KCNIP4: variants seen among roughly 807,000 people sequenced by gnomAD.
The protein encoded by KCNIP4 is potassium voltage-gated channel interacting protein 4.
A neutral mutation model predicts 34.0 loss-of-function variants in KCNIP4; 12 were observed. That is an observed-to-expected ratio of 0.35 (90% CI 0.23 to 0.57). KCNIP4 has a LOEUF of 0.57. KCNIP4 is among the 20% of genes least tolerant of loss of function. The pLI is 0.83. For missense variants in KCNIP4, 238 were observed against 311.7 expected (o/e 0.76, Z 1.78); for synonymous variants, 124 against 102.2 (o/e 1.21, Z -1.29).
At chr4:21,262,309 C>A in intron 1 of KCNIP4, among the ~76,000 whole-genome samples, 1 of 152,254 alleles carries the variant, frequency 6.6e-6, no homozygotes, top group Non-Finnish European at 1.5e-5. Context: ...GCCCTCTTAT[C>A]TTCCTGAACA....
chr4:21,832,510 C>T (rs887990105), intron 1 of KCNIP4, among the ~76,000 whole-genome samples: 1 of 152,140 alleles, frequency 6.6e-6, no homozygotes, highest in South Asian at 2.1e-4. Flanking sequence ...CTGAGGAAAT[C>T]ATCAGTTTGA....
chr4:21,794,951 CCTT>C (rs1720528286), intron 1 of KCNIP4, among the ~76,000 whole-genome samples: 1 of 152,040 alleles, frequency 6.6e-6, no homozygotes, highest in Non-Finnish European at 1.5e-5. Context: ...CCTGAAGTTC[CCTT>C]CGTCTCTCCA....
At chr4:21,633,205 A>T (rs561888858) in intron 1 of KCNIP4, among the ~76,000 whole-genome samples, 1 of 152,310 alleles carries the variant, frequency 6.6e-6, no homozygotes, top group Non-Finnish European at 1.5e-5. Flanking sequence ...ATCTATGTTT[A>T]CCTAGCTAGT....
intron 1 of KCNIP4, among the ~76,000 whole-genome samples, chr4:21,133,180 C>G (rs1474752419): frequency 6.6e-6 from 1 of 152,118 alleles, no homozygotes; most frequent in East Asian, 1.9e-4. Context: ...TTAAGACATT[C>G]CTGTTTTCAA....
intron 5 of KCNIP4, among the ~76,000 whole-genome samples, chr4:20,738,868 G>C (rs1435535375): frequency 6.6e-6 from 1 of 152,188 alleles, no homozygotes; most frequent in Non-Finnish European, 1.5e-5. Flanking sequence ...ATGGTACCTG[G>C]AGAATCAGGA....
chr4:21,635,080 A>C (rs1362737085), intron 1 of KCNIP4, among the ~76,000 whole-genome samples: 2 of 152,220 alleles, frequency 1.3e-5, no homozygotes, highest in Non-Finnish European at 2.9e-5. Flanking sequence ...TGTCAAAACA[A>C]TATAACACAA....
At chr4:21,213,118 G>A (rs1414475922) in intron 1 of KCNIP4, among the ~76,000 whole-genome samples, 1 of 152,082 alleles carries the variant, frequency 6.6e-6, no homozygotes, top group Non-Finnish European at 1.5e-5. Context: ...CGGACGAGGT[G>A]CATGCTGTTT....
At chr4:21,843,837 T>C (rs2109324291) in intron 1 of KCNIP4, 1 of 152,208 alleles carries the variant, frequency 6.6e-6, no homozygotes, top group Admixed American at 6.6e-5. Context: ...CTCAAACTCC[T>C]CAGTAAGTTT....
chr4:21,591,697 T>C (rs1258711908), intron 1 of KCNIP4, among the ~76,000 whole-genome samples: 2 of 152,080 alleles, frequency 1.3e-5, no homozygotes, highest in East Asian at 3.9e-4. Flanking sequence ...GTGCATTTGT[T>C]CTATATTTGT....
intron 1 of KCNIP4, among the ~76,000 whole-genome samples, chr4:21,605,341 T>C (rs975061009): frequency 2.6e-5 from 4 of 152,218 alleles, no homozygotes; most frequent in African/African-American, 9.6e-5. Flanking sequence ...TCAAAGTCAA[T>C]GAGGCAAGGC....
rs1334695785 is a variant in KCNIP4, at chr4:21,519,626, G to GTA, written c.61+428943_61+428944dup. 7.6e-4 allele frequency among the ~76,000 whole-genome samples: 105 copies of GTA among 137,624 alleles called. 9 individuals are homozygous for GTA. Among genetic ancestry groups the GTA allele is most frequent in the Middle Eastern group, 4.0e-3 (1 of 250 alleles). 90.3% of individuals were successfully genotyped at this position (137,624 alleles called of 152,430 possible). ...TACACATATGTGTGTGTATGTATGT[G>GTA]TATATACACAAATGTGTGTGTATGT... On this transcript the variant is annotated intron_variant, in intron 1 of 8. Transcript: ENST00000382152.
chr4:21,490,866 G>A (rs996357736), intron 1 of KCNIP4, among the ~76,000 whole-genome samples: 1 of 152,042 alleles, frequency 6.6e-6, no homozygotes, highest in Non-Finnish European at 1.5e-5. Context: ...GTCTGAGTGG[G>A]TGGCCAAGTT....
At chr4:21,826,978 A>G (rs2109299734) in intron 1 of KCNIP4, among the ~76,000 whole-genome samples, 1 of 152,226 alleles carries the variant, frequency 6.6e-6, no homozygotes, top group South Asian at 2.1e-4. Context: ...GTTGAATAAT[A>G]CAGAAAATAA....
At chr4:21,469,356 A>G (rs2109800339) in intron 1 of KCNIP4, among the ~76,000 whole-genome samples, 1 of 152,230 alleles carries the variant, frequency 6.6e-6, no homozygotes, top group East Asian at 1.9e-4. Flanking sequence ...AATATACATT[A>G]TTTTTATCAT....
At chr4:21,611,459 A>C (rs1744151074) in intron 1 of KCNIP4, among the ~76,000 whole-genome samples, 2 of 152,112 alleles carry the variant, frequency 1.3e-5, no homozygotes, top group Non-Finnish European at 2.9e-5. Context: ...CTCTCCCTAG[A>C]TACATGGGGA....
intron 1 of KCNIP4, among the ~76,000 whole-genome samples, chr4:21,360,342 A>T (rs1220702167): frequency 6.6e-6 from 1 of 152,074 alleles, no homozygotes; most frequent in Non-Finnish European, 1.5e-5. Context: ...TTTGTATCTT[A>T]CCTAATTCCA....
chr4:21,232,583 T>C (rs1758876100), intron 1 of KCNIP4, among the ~76,000 whole-genome samples: 1 of 152,182 alleles, frequency 6.6e-6, no homozygotes, highest in Non-Finnish European at 1.5e-5. Flanking sequence ...TTATTGAGAA[T>C]TTACTATGTA....
intron 1 of KCNIP4, among the ~76,000 whole-genome samples, chr4:21,221,465 T>C (rs1184749066): frequency 1.3e-5 from 2 of 152,114 alleles, no homozygotes; most frequent in Non-Finnish European, 2.9e-5. Context: ...GGCACCTTCT[T>C]CACAAAGCAG....
intron 1 of KCNIP4, among the ~76,000 whole-genome samples, chr4:21,775,917 C>G (rs1319786603): frequency 1.3e-5 from 2 of 152,188 alleles, no homozygotes; most frequent in Non-Finnish European, 2.9e-5. Context: ...TGATGCCCCT[C>G]CCCTAAGGAG....
Sources: gnomAD v4.1 joint callset for allele counts (sites outside exome capture counted in the v4.1 genomes callset) on GRCh38, gnomAD v4.1.1 for gene constraint, MANE v1.5 for transcripts, NCBI Gene and HGNC (gene_info 2026-07-23, HGNC 2026-07-21) for gene names.